The following CTNNA2 variants were observed in gnomAD, a reference collection of about 807,000 sequenced individuals.
CTNNA2 encodes catenin alpha-2.
In CTNNA2, 42 loss-of-function variants were observed where a neutral mutation model predicts 101.0. The observed-to-expected ratio is 0.42, with a 90% CI of 0.32 to 0.54. CTNNA2 has a LOEUF of 0.54. Among genes scored for constraint, CTNNA2 ranks in the 20% least tolerant of loss-of-function variants. CTNNA2 has a pLI of 0.14. For missense variants in CTNNA2, 871 were observed against 1,223.1 expected (o/e 0.71, Z 4.29); for synonymous variants, 450 against 456.4 (o/e 0.99, Z 0.18).
chr2:79,865,362 C>T (rs1681985873), intron 4 of CTNNA2, among the ~76,000 whole-genome samples: 1 of 152,144 alleles, frequency 6.6e-6, no homozygotes, highest in South Asian at 2.1e-4. Flanking sequence ...TTGGCCAACT[C>T]CTATTTCCAA....
chr2:79,761,039 T>G (rs1216743253), intron 3 of CTNNA2, among the ~76,000 whole-genome samples: 1 of 152,204 alleles, frequency 6.6e-6, no homozygotes, highest in Non-Finnish European at 1.5e-5. Context: ...ATCTATAAAA[T>G]TCTAAGAATT....
At chr2:80,219,513 GT>G in intron 7 of CTNNA2, among the ~76,000 whole-genome samples, 1 of 152,032 alleles carries the variant, frequency 6.6e-6, no homozygotes, top group East Asian at 1.9e-4. Flanking sequence ...TATCGCTTTT[GT>G]TTTAAATATA....
chr2:79,880,377 G>C (rs1457905707), intron 6 of CTNNA2, among the ~76,000 whole-genome samples: 1 of 152,136 alleles, frequency 6.6e-6, no homozygotes, highest in Admixed American at 6.5e-5. Context: ...GTTTGGAATA[G>C]TTACAAAAGG....
chr2:79,397,938 C>T (rs1678250366), intron 4 of CTNNA2, among the ~76,000 whole-genome samples: 1 of 152,018 alleles, frequency 6.6e-6, no homozygotes, highest in African/African-American at 2.4e-5. Flanking sequence ...ACATCTTTTC[C>T]TTCAACAAGA....
intron 7 of CTNNA2, among the ~76,000 whole-genome samples, chr2:79,971,934 C>T (rs1382443371): frequency 1.3e-5 from 2 of 152,124 alleles, no homozygotes; most frequent in African/African-American, 4.8e-5. Context: ...TCAGCTGGGG[C>T]TGTAAGTTGA....
chr2:80,588,862 G>A (rs927875579), intron 14 of CTNNA2, among the ~76,000 whole-genome samples: 5 of 152,108 alleles, frequency 3.3e-5, no homozygotes, highest in African/African-American at 1.2e-4. Context: ...CTCAGATAGT[G>A]TTTAAAATTC....
intron 3 of CTNNA2, among the ~76,000 whole-genome samples, chr2:79,315,725 C>A (rs1011039806): frequency 6.6e-6 from 1 of 152,104 alleles, no homozygotes; most frequent in Non-Finnish European, 1.5e-5. Context: ...TATCCACGCA[C>A]AAGTTTTTGT....
In CTNNA2 at chr2:80,571,527, T is replaced by C. The variant is rs553342405; in HGVS notation, c.1742-2636T>C. Among the ~76,000 whole-genome samples, 7 of 152,282 alleles carry C rather than the reference T, an allele frequency of 4.6e-5. No individual in the cohort carries two copies. In the South Asian group the frequency reaches 1.5e-3, roughly 32 times the overall value. The stretch of plus-strand genomic sequence containing the variant: ...TCAAAGGTAACTACTATATTTAAAG[T>C]GGTATATATCCTTTTAGAACATGTA... On this transcript the variant is annotated intron_variant, in intron 12 of 18. Coordinates refer to ENST00000402739, the MANE Select transcript of CTNNA2 (RefSeq NM_001282597.3).
At chr2:80,445,778 G>T (rs961642991) in intron 9 of CTNNA2, among the ~76,000 whole-genome samples, 1 of 152,134 alleles carries the variant, frequency 6.6e-6, no homozygotes, top group Non-Finnish European at 1.5e-5. Context: ...AAAGACAGTG[G>T]CCTTGGGAAC....
At chr2:80,364,900 G>A (rs1395604560) in intron 7 of CTNNA2, among the ~76,000 whole-genome samples, 4 of 152,102 alleles carry the variant, frequency 2.6e-5, no homozygotes, top group African/African-American at 4.8e-5. Flanking sequence ...GGCTCTAGAG[G>A]GGAGAACAGG....
chr2:80,258,387 C>T (rs160867), intron 7 of CTNNA2, among the ~76,000 whole-genome samples: 152,111 of 152,304 alleles, frequency 1, 75,959 homozygotes, highest in East Asian at 1. Flanking sequence ...TTGTGCAACA[C>T]TTTTTCTGCG....
intron 1 of CTNNA2, among the ~76,000 whole-genome samples, chr2:79,621,712 C>T (rs1679008529): frequency 6.6e-6 from 1 of 152,170 alleles, no homozygotes; most frequent in Non-Finnish European, 1.5e-5. Context: ...CTAAAAAGTA[C>T]AGTATGGAAT....
At chr2:80,098,721 C>G (rs1449345080) in intron 7 of CTNNA2, among the ~76,000 whole-genome samples, 1 of 152,192 alleles carries the variant, frequency 6.6e-6, no homozygotes, top group African/African-American at 2.4e-5. Flanking sequence ...GCCCCTCCCC[C>G]AGCCTCGCTG....
chr2:80,081,008 C>A (rs1026851172), intron 7 of CTNNA2, among the ~76,000 whole-genome samples: 19 of 133,838 alleles, frequency 1.4e-4, no homozygotes, highest in Non-Finnish European at 2.3e-4. Context: ...ATGGGACATA[C>A]TTTATACGTG....
chr2:79,237,608 T>C (rs1384911949), intron 2 of CTNNA2, among the ~76,000 whole-genome samples: 1 of 152,230 alleles, frequency 6.6e-6, no homozygotes, highest in East Asian at 1.9e-4. Flanking sequence ...ATTGTCTACA[T>C]TGAAAACCTC....
At chr2:80,358,411 C>G (rs12053331) in intron 7 of CTNNA2, among the ~76,000 whole-genome samples, 9,513 of 136,180 alleles carry the variant, frequency 0.07, 774 homozygotes, top group African/African-American at 0.2. Flanking sequence ...AGTGCAATGG[C>G]GCAATCTTGG....
intron 1 of CTNNA2, among the ~76,000 whole-genome samples, chr2:79,617,070 T>G (rs1349499132): frequency 6.6e-6 from 1 of 151,676 alleles, no homozygotes; most frequent in African/African-American, 2.4e-5. Context: ...CCCGGCTAAT[T>G]TTTTTGTATT....
chr2:79,687,294 T>C (rs1291718294), intron 2 of CTNNA2, among the ~76,000 whole-genome samples: 2 of 152,156 alleles, frequency 1.3e-5, no homozygotes, highest in Non-Finnish European at 2.9e-5. Context: ...ATACTCAAAA[T>C]AGTATTGTCT....
At chr2:80,510,768 G>A (rs533336101) in intron 9 of CTNNA2, among the ~76,000 whole-genome samples, 8 of 152,266 alleles carry the variant, frequency 5.3e-5, no homozygotes, top group African/African-American at 1.9e-4. Flanking sequence ...TGTGACGTGA[G>A]AGTTATAAAA....
Sources: gnomAD v4.1 joint callset for allele counts (sites outside exome capture counted in the v4.1 genomes callset) on GRCh38, gnomAD v4.1.1 for gene constraint, MANE v1.5 for transcripts, NCBI Gene and HGNC (gene_info 2026-07-23, HGNC 2026-07-21) for gene names.